Variants in VWA2 observed in about 807,000 individuals in gnomAD.
VWA2 encodes von Willebrand factor A domain-containing protein 2.
In VWA2, 73 loss-of-function variants were observed where a neutral mutation model predicts 70.4. That is an observed-to-expected ratio of 1.04 (90% CI 0.86 to 1.26). The LOEUF is 1.26. VWA2 is among the 50% of genes most tolerant of loss of function. The probability of loss-of-function intolerance (pLI) is 0.00; values close to 1 mark genes in which losing one functional copy is unlikely to be tolerated. For synonymous variants in VWA2, 407 were observed against 423.3 expected (o/e 0.96, Z 0.47); for missense variants, 1,011 against 998.5 (o/e 1.01, Z -0.17).
Position 114,277,982 on chromosome 10 carries a change from AG to A in VWA2, c.637del (p.Asp213MetfsTer72). The A allele has an allele frequency of 6.2e-7, 1 of 1,613,264 alleles. No homozygotes were observed. The highest frequency in any genetic ancestry group is 8.5e-7 in the Non-Finnish European group (1 of 1,179,790). ...GQHVLLAEQV[E>X]DATNGLFSTL... ...CACGTGCTGTTGGCTGAGCAGGTGG[AG>A]GATGCCACCAACGGCCTCTTCAGCA... On this transcript the variant is annotated frameshift_variant, in exon 7 of 14. Coordinates refer to ENST00000392982, the MANE Select transcript of VWA2 (RefSeq NM_001272046.2). LOFTEE classifies it high-confidence loss of function.
In VWA2 at chr10:114,241,488, G is replaced by A. The variant is rs904606913; in HGVS notation, c.-11+1919G>A. On this transcript the variant is annotated intron_variant, in intron 1 of 13. Transcript: ENST00000392982. ...TAGCTTTCTCAGATTGGTGTCTTTCGCTCGGTAATATACACTGACATTTCC... is the reference window on the plus strand; with the variant it reads ...TAGCTTTCTCAGATTGGTGTCTTTCACTCGGTAATATACACTGACATTTCC... Among the ~76,000 whole-genome samples, 4 of 151,630 alleles carry A rather than the reference G, an allele frequency of 2.6e-5. No homozygotes were observed. In the East Asian group the frequency reaches 7.7e-4, roughly 29 times the overall value.
chr10:114,278,468 G>A (rs892844282), intron 7 of VWA2, among the ~76,000 whole-genome samples: 1 of 152,220 alleles, frequency 6.6e-6, no homozygotes, highest in Non-Finnish European at 1.5e-5. Context: ...GTACATGTGT[G>A]CCCATTACGC....
Position 114,261,305 on chromosome 10 carries a change from A to C in VWA2, c.371+10A>C. The C allele has an allele frequency of 6.2e-7, 1 of 1,603,878 alleles. No individual in the cohort carries two copies. Among genetic ancestry groups the C allele is most frequent in the Non-Finnish European group, 8.5e-7 (1 of 1,170,552 alleles). ...AGAGGATGGTTTTCAAGTATGTATG[A>C]TCAGATACTGCTGTGGTTAGGGTGA... On this transcript the variant is annotated intron_variant, in intron 5 of 13. Coordinates refer to ENST00000392982, the MANE Select transcript of VWA2 (RefSeq NM_001272046.2).
At chr10:114,266,024 G>C (rs554963419) in intron 5 of VWA2, among the ~76,000 whole-genome samples, 1 of 152,110 alleles carries the variant, frequency 6.6e-6, no homozygotes, top group Non-Finnish European at 1.5e-5. Flanking sequence ...TTGGCCGGGC[G>C]CGGTGGCTCA....
intron 1 of VWA2, chr10:114,246,711 GT>G: frequency 6.5e-7 from 1 of 1,543,930 alleles, no homozygotes. Flanking sequence ...CTAGCAAACA[GT>G]CTTAGGAATC....
intron 1 of VWA2, among the ~76,000 whole-genome samples, chr10:114,248,208 G>A (rs886308002): frequency 5.9e-5 from 9 of 152,108 alleles, no homozygotes; most frequent in African/African-American, 1.9e-4. Flanking sequence ...TTCTTCAGAT[G>A]TTGTCTTCTT....
intron 7 of VWA2, 38 bp downstream of exon 7, chr10:114,278,085 G>C (rs1389721287): frequency 6.3e-7 from 1 of 1,590,784 alleles, no homozygotes; most frequent in Admixed American, 1.7e-5. Context: ...GAAGTGCCAT[G>C]TGGGGTCGGG....
Position 114,289,117 on chromosome 10 carries a change from G to A in VWA2, c.1750G>A (p.Gly584Arg), listed in dbSNP as rs143337523. Residue 584 changes from glycine (G) to arginine (R), a missense_variant, in exon 12 of 14, where the codon GGG becomes AGG. Gly to Arg is a moderately radical substitution (Grantham distance 125). Coordinates refer to ENST00000392982, the MANE Select transcript of VWA2 (RefSeq NM_001272046.2). The stretch of plus-strand genomic sequence containing the variant: ...TGGCAGCCAGGTGCAGACTGCCTTC[G>A]GGCTGGACACCAAACCCACCCGGGC... ...VYGSQVQTAF[G>R]LDTKPTRAAM... 37 of 1,613,942 alleles carry A rather than the reference G, an allele frequency of 2.3e-5. No individual in the cohort carries two copies. The highest frequency in any genetic ancestry group is 2.7e-5 in the Non-Finnish European group (32 of 1,180,036).
chr10:114,289,287 A>G lies in VWA2; in HGVS notation c.1920A>G (p.Thr640=), dbSNP rs777106857. Reference sequence around the variant, plus strand: ...TCCCCAAAGCTGTGGTGGTGCTCACAGGCGGGAGAGGCGCAGAGGATGCAG... The same window carrying G: ...TCCCCAAAGCTGTGGTGGTGCTCACGGGCGGGAGAGGCGCAGAGGATGCAG... The part of the protein sequence containing the change: ...PGVPKAVVVL[T]GGRGAEDAAV... The change falls in exon 12 of 14, where the codon ACA becomes ACG. Residue 640 remains threonine (T), a synonymous_variant. Coordinates refer to ENST00000392982, the MANE Select transcript of VWA2 (RefSeq NM_001272046.2). 1.2e-6 allele frequency: 2 copies of G among 1,613,832 alleles called. No homozygotes were observed. The highest frequency in any genetic ancestry group is 1.7e-6 in the Non-Finnish European group (2 of 1,179,938).
chr10:114,258,646 A>G (rs886501164), intron 4 of VWA2, among the ~76,000 whole-genome samples: 2 of 152,198 alleles, frequency 1.3e-5, no homozygotes, highest in East Asian at 3.8e-4. Flanking sequence ...TATTTTTTCA[A>G]CTAAGTAATT....
intron 5 of VWA2, among the ~76,000 whole-genome samples, chr10:114,264,405 T>C: frequency 6.6e-6 from 1 of 150,984 alleles, no homozygotes; most frequent in Non-Finnish European, 1.5e-5. Flanking sequence ...GGTCATATAC[T>C]ATATGATTCC....
chr10:114,270,538 T>C (rs1246669809), intron 5 of VWA2, among the ~76,000 whole-genome samples: 2 of 152,236 alleles, frequency 1.3e-5, no homozygotes, highest in Non-Finnish European at 2.9e-5. Context: ...AAGGATTACA[T>C]TCAGTAACAG....
chr10:114,259,149 T>C (rs1375413258), intron 4 of VWA2, among the ~76,000 whole-genome samples: 1 of 152,236 alleles, frequency 6.6e-6, no homozygotes, highest in Non-Finnish European at 1.5e-5. Flanking sequence ...AATTTACATT[T>C]CTACAAGCAA....
chr10:114,242,631 T>G (rs2036994519), intron 1 of VWA2, among the ~76,000 whole-genome samples: 2 of 152,214 alleles, frequency 1.3e-5, no homozygotes. Context: ...CCAGTGCATC[T>G]GTGTACCGCG....
At chr10:114,264,227 A>G (rs1564721122) in intron 5 of VWA2, among the ~76,000 whole-genome samples, 3 of 152,254 alleles carry the variant, frequency 2.0e-5, no homozygotes, top group African/African-American at 4.8e-5. Context: ...AGCAGCTCCA[A>G]AACAGAAACA....
chr10:114,268,511 G>C (rs796552435), intron 5 of VWA2, among the ~76,000 whole-genome samples: 59 of 152,074 alleles, frequency 3.9e-4, no homozygotes, highest in African/African-American at 1.4e-3. Context: ...AGCATATATA[G>C]GTAAACATAG....
At chr10:114,278,887 G>A in intron 8 of VWA2, 36 bp downstream of exon 8, 1 of 1,610,020 alleles carries the variant, frequency 6.2e-7, no homozygotes, top group Non-Finnish European at 8.5e-7. Flanking sequence ...CCTGGGTGGA[G>A]ATGAAGGCCC....
intron 3 of VWA2, among the ~76,000 whole-genome samples, chr10:114,254,295 C>T (rs2133305776): frequency 6.6e-6 from 1 of 152,104 alleles, no homozygotes; most frequent in East Asian, 2.0e-4. Context: ...TGATCTCGAA[C>T]TCCTGAACTC....
At position 114,291,220 on chromosome 10, in the gene VWA2, T is replaced by A; in HGVS notation, c.2251T>A (p.Phe751Ile). Reference sequence around the variant, plus strand: ...TCAGACTTCACTTCCTTCCCCAGGATTCTTGAGACGCCCCTGAGGCACATG... The same window carrying A: ...TCAGACTTCACTTCCTTCCCCAGGAATCTTGAGACGCCCCTGAGGCACATG... ...GWEGPHCENR[F>I]LRRP The change falls in exon 14 of 14, where the codon TTC becomes ATC. Residue 751 changes from phenylalanine to isoleucine, a missense_variant and splice_region_variant. Coordinates refer to ENST00000392982, the MANE Select transcript of VWA2 (RefSeq NM_001272046.2). 6.4e-7 allele frequency: 1 copy of A among 1,550,468 alleles called. No individual in the cohort carries two copies. Among genetic ancestry groups the A allele is most frequent in the Non-Finnish European group, 8.7e-7 (1 of 1,146,948 alleles).
Sources: allele counts gnomAD v4.1 joint callset (sites outside exome capture counted in the v4.1 genomes callset), GRCh38; gene constraint gnomAD v4.1.1; transcripts MANE v1.5; gene names NCBI Gene and HGNC (gene_info 2026-07-23, HGNC 2026-07-21).